Variants in OPRM1 observed in about 807,000 individuals in gnomAD.
OPRM1 encodes the protein mu-type opioid receptor.
A neutral mutation model predicts 31.8 loss-of-function variants in OPRM1; 27 were observed. That is an observed-to-expected ratio of 0.85 (90% CI 0.63 to 1.17). The LOEUF (loss-of-function observed/expected upper bound fraction) is 1.17, where lower values mean the gene tolerates loss of function less well. Among genes scored for constraint, OPRM1 ranks in the 50% most tolerant of loss-of-function variants. The probability of loss-of-function intolerance (pLI) is 0.00; values close to 1 mark genes in which losing one functional copy is unlikely to be tolerated. For missense variants in OPRM1, 536 were observed against 511.1 expected, an observed-to-expected ratio of 1.05 and a Z score of -0.47; for synonymous variants, 196 against 189.9, an observed-to-expected ratio of 1.03 and a Z score of -0.26.
intron 3 of OPRM1, among the ~76,000 whole-genome samples, chr6:154,166,972 T>C (rs1247247834): frequency 6.6e-6 from 1 of 152,240 alleles, no homozygotes; most frequent in Non-Finnish European, 1.5e-5. Context: ...TTTTCCATTC[T>C]GGCCTCATTT....
intron 3 of OPRM1, chr6:154,212,715 A>G (rs1184040785): frequency 8.5e-7 from 1 of 1,177,260 alleles, no homozygotes; most frequent in African/African-American, 1.5e-5. Context: ...AATTGGAAGA[A>G]ATGACATCCA....
intron 1 of OPRM1, among the ~76,000 whole-genome samples, chr6:154,051,653 C>T (rs1403113563): frequency 3.9e-5 from 6 of 152,024 alleles, no homozygotes; most frequent in East Asian, 1.9e-4. Flanking sequence ...GTCAGAATGG[C>T]GATTATTAAA....
intron 1 of OPRM1, among the ~76,000 whole-genome samples, chr6:154,027,624 G>T (rs1251235025): frequency 6.6e-6 from 1 of 152,212 alleles, no homozygotes; most frequent in Non-Finnish European, 1.5e-5. Context: ...CCACGTTCTA[G>T]AGTCAAAAAC....
intron 1 of OPRM1, among the ~76,000 whole-genome samples, chr6:154,061,346 A>G (rs1314941171): frequency 6.6e-6 from 1 of 152,298 alleles, no homozygotes; most frequent in African/African-American, 2.4e-5. Context: ...GCGCTGTAAC[A>G]TCTAACACAC....
chr6:154,066,429 T>A (rs979035394), intron 1 of OPRM1, among the ~76,000 whole-genome samples: 3 of 152,148 alleles, frequency 2.0e-5, no homozygotes, highest in Non-Finnish European at 1.5e-5. Flanking sequence ...ATGTTTTTAT[T>A]ACTGGCTCAA....
intron 3 of OPRM1, among the ~76,000 whole-genome samples, chr6:154,217,939 A>G (rs770059586): frequency 6.6e-6 from 1 of 152,190 alleles, no homozygotes; most frequent in Non-Finnish European, 1.5e-5. Flanking sequence ...AATAAAGAAA[A>G]TATTTCTCTC....
chr6:154,209,512 T>C (rs1035485601), intron 3 of OPRM1, among the ~76,000 whole-genome samples: 3 of 151,968 alleles, frequency 2.0e-5, no homozygotes, highest in Non-Finnish European at 2.9e-5. Flanking sequence ...CCAGGTATGG[T>C]GGTGCACACC....
chr6:154,210,717 G>A (rs1465535965), intron 3 of OPRM1, among the ~76,000 whole-genome samples: 1 of 152,170 alleles, frequency 6.6e-6, no homozygotes, highest in Admixed American at 6.5e-5. Flanking sequence ...AATATAGTAA[G>A]AAAGAATAAT....
chr6:154,018,536 C>A (rs1246674488), intron 1 of OPRM1, among the ~76,000 whole-genome samples: 1 of 147,712 alleles, frequency 6.8e-6, no homozygotes, highest in Non-Finnish European at 1.5e-5. Context: ...TCTGGCCCTG[C>A]ATATCAAAAA....
chr6:154,197,231 C>T (rs1480981654), intron 3 of OPRM1, among the ~76,000 whole-genome samples: 2 of 151,980 alleles, frequency 1.3e-5, no homozygotes, highest in East Asian at 1.9e-4. Context: ...TTAAAAGTCA[C>T]AAAAATGAAA....
intron 3 of OPRM1, among the ~76,000 whole-genome samples, chr6:154,172,204 A>G (rs1362651781): frequency 6.6e-6 from 1 of 152,242 alleles, no homozygotes; most frequent in Non-Finnish European, 1.5e-5. Context: ...GCTCCAGTCT[A>G]CAACTCCCAG....
At chr6:154,235,802 G>C (rs978947006) in intron 3 of OPRM1, among the ~76,000 whole-genome samples, 5 of 152,158 alleles carry the variant, frequency 3.3e-5, no homozygotes, top group African/African-American at 1.2e-4. Context: ...GTTGCTCAAG[G>C]TCACTAGTCA....
intron 1 of OPRM1, among the ~76,000 whole-genome samples, chr6:154,041,676 C>T (rs887142690): frequency 6.0e-5 from 9 of 151,088 alleles, no homozygotes; most frequent in Admixed American, 5.3e-4. Flanking sequence ...TGAGTTAATT[C>T]GACTATTAGG....
At chr6:154,020,443 C>T (rs141566193) in intron 1 of OPRM1, among the ~76,000 whole-genome samples, 64 of 152,134 alleles carry the variant, frequency 4.2e-4, no homozygotes, top group Non-Finnish European at 7.8e-4. Flanking sequence ...TCTAAAGTCC[C>T]CAAAATCCCA....
chr6:154,160,060 G>C (rs1157675327), intron 3 of OPRM1: 1 of 1,571,018 alleles, frequency 6.4e-7, no homozygotes, highest in South Asian at 1.1e-5. Flanking sequence ...TAGAAAAAAA[G>C]GGGAAGGGGG....
At chr6:154,111,664 G>T (rs1162004403) in intron 3 of OPRM1, among the ~76,000 whole-genome samples, 2 of 152,100 alleles carry the variant, frequency 1.3e-5, no homozygotes, top group Non-Finnish European at 2.9e-5. Flanking sequence ...AACCTTAAAA[G>T]CTTTTCAAAC....
chr6:154,023,484 A>C (rs567813932), intron 1 of OPRM1, among the ~76,000 whole-genome samples: 1 of 152,296 alleles, frequency 6.6e-6, no homozygotes, highest in Non-Finnish European at 1.5e-5. Flanking sequence ...ATATAAGATC[A>C]TATAATCTGT....
At chr6:154,246,858 A>G in exon 4 of OPRM1, 1 of 1,341,852 alleles carries the variant, frequency 7.5e-7, no homozygotes, top group South Asian at 1.9e-5. Flanking sequence ...GCAACTTTTA[A>G]TTGTTAACCC....
intron 3 of OPRM1, among the ~76,000 whole-genome samples, chr6:154,147,707 T>C (rs1347854836): frequency 6.6e-6 from 1 of 152,202 alleles, no homozygotes; most frequent in Non-Finnish European, 1.5e-5. Flanking sequence ...ACTGATCTCC[T>C]ACCATGAGGA....
Sources: gnomAD v4.1 joint callset for allele counts (sites outside exome capture counted in the v4.1 genomes callset) on GRCh38, gnomAD v4.1.1 for gene constraint, MANE v1.5 for transcripts, NCBI Gene and HGNC (gene_info 2026-07-23, HGNC 2026-07-21) for gene names.